The following BCO1 variants were observed in gnomAD, a reference collection of about 807,000 sequenced individuals.
The protein encoded by BCO1 is beta,beta-carotene 15,15'-dioxygenase.
BCO1 carries 54 observed loss-of-function variants against 56.3 expected under a neutral mutation model. The observed-to-expected ratio is 0.96, with a 90% CI of 0.77 to 1.20. BCO1 has a LOEUF of 1.20. Among genes scored for constraint, BCO1 ranks in the 50% most tolerant of loss-of-function variants. The probability of loss-of-function intolerance (pLI) is 0.00; values close to 1 mark genes in which losing one functional copy is unlikely to be tolerated. For missense variants in BCO1, 801 were observed against 690.9 expected, an observed-to-expected ratio of 1.16 and a Z score of -1.79; for synonymous variants, 318 against 266.1, an observed-to-expected ratio of 1.20 and a Z score of -1.90.
intron 5 of BCO1, 127 bp downstream of exon 5, chr16:81,264,914 C>A: frequency 9.4e-7 from 1 of 1,065,114 alleles, no homozygotes; most frequent in Non-Finnish European, 1.4e-6. Context: ...TTGAGGTGGA[C>A]CATGAAGTCA....
At position 81,268,025 on chromosome 16, in the gene BCO1, T is replaced by A; in HGVS notation, c.737T>A (p.Val246Asp). ...YHSFGVTENY[V>D]IFLEQPFRLD... ...AGCTTTGGAGTCACCGAGAACTATG[T>A]CATCTTCCTTGAGCAGCCTTTCAGG... The change falls in exon 6 of 11, where the codon GTC becomes GAC. Residue 246 changes from valine to aspartate, a missense_variant. By Grantham distance (152) the Val-to-Asp change is radical. Coordinates refer to ENST00000258168, the MANE Select transcript of BCO1 (RefSeq NM_017429.3). 1 of 1,613,620 alleles carries A rather than the reference T, an allele frequency of 6.2e-7. No homozygotes were observed. The highest frequency in any genetic ancestry group is 8.5e-7 in the Non-Finnish European group (1 of 1,179,960).
In BCO1 at chr16:81,272,260, C is replaced by T. The variant is rs1567458957; in HGVS notation, c.1101+1844C>T. ...TCCCAAGTAGCTGGGACTACAGACA[C>T]CTGCCACCACGCCTGGCTAATTTTT... On this transcript the variant is annotated intron_variant, in intron 7 of 10. Transcript: ENST00000258168. Among the ~76,000 whole-genome samples, 9 of 151,878 alleles carry T rather than the reference C, an allele frequency of 5.9e-5. No homozygotes were observed. In the South Asian group the frequency reaches 1.9e-3, roughly 32 times the overall value.
intron 4 of BCO1, 156 bp downstream of exon 4, chr16:81,262,439 A>T: frequency 1.3e-6 from 1 of 760,536 alleles, no homozygotes; most frequent in Non-Finnish European, 2.3e-6. Flanking sequence ...ACTTACTGCT[A>T]GATGCTAGGC....
Position 81,262,122 on chromosome 16 carries a change from G to C in BCO1, c.324-14G>C, listed in dbSNP as rs1388438457. The C allele has an allele frequency of 1.2e-6, 2 of 1,613,096 alleles. No homozygotes were observed. The highest frequency in any genetic ancestry group is 2.2e-5 in the East Asian group (1 of 44,864). On this transcript the variant is annotated splice_polypyrimidine_tract_variant and intron_variant, in intron 3 of 10. Transcript: ENST00000258168. ...ACATAGCCACTGACTCTGTTGATTT[G>C]CTTTTCTCCCCAGAGCTTTCTCCTA...
At chr16:81,276,403 C>G (rs575950243) in intron 7 of BCO1, among the ~76,000 whole-genome samples, 1 of 152,190 alleles carries the variant, frequency 6.6e-6, no homozygotes, top group Non-Finnish European at 1.5e-5. Context: ...AAGGGCCCAG[C>G]CTTGCTTCCA....
Position 81,290,490 on chromosome 16 carries a change from A to G in BCO1, c.1557A>G (p.Thr519=), listed in dbSNP as rs1268206122. ...MHMDLHGLFI[T]DMDWDTKKQA... ...TGGATCTCCATGGATTATTCATTAC[A>G]GACATGGACTGGGACACAAAAAAGC... The change falls in exon 11 of 11, where the codon ACA becomes ACG. Residue 519 remains threonine, a synonymous_variant. Coordinates refer to ENST00000258168, the MANE Select transcript of BCO1 (RefSeq NM_017429.3). 6.2e-7 allele frequency: 1 copy of G among 1,614,072 alleles called. No individual in the cohort carries two copies. The highest frequency in any genetic ancestry group is 1.3e-5 in the African/African-American group (1 of 74,924).
chr16:81,258,937 AAGAG>A (rs149099784), intron 2 of BCO1, among the ~76,000 whole-genome samples: 1 of 150,610 alleles, frequency 6.6e-6, no homozygotes, highest in Non-Finnish European at 1.5e-5. Flanking sequence ...CACATGGTGA[AAGAG>A]AGAGAGAGAG....
At chr16:81,287,869 G>C (rs565870957) in intron 10 of BCO1, among the ~76,000 whole-genome samples, 429 of 152,250 alleles carry the variant, frequency 2.8e-3, no homozygotes, top group Non-Finnish European at 4.4e-3. Flanking sequence ...TGCCAGCCAG[G>C]AAGCTCCCCT....
In BCO1 at chr16:81,284,808, T is replaced by C. The variant is rs192154372; in HGVS notation, c.1208-732T>C. 2.1e-4 allele frequency among the ~76,000 whole-genome samples: 32 copies of C among 151,248 alleles called. No homozygotes were observed. The East Asian group carries it at 5.4e-3, about 26-fold the overall frequency. On this transcript the variant is annotated intron_variant, in intron 8 of 10. Transcript: ENST00000258168. The stretch of plus-strand genomic sequence containing the variant: ...CACAGCTTCCTATTTCTTTTCTTTT[T>C]GTTTTGTTTTGTTTTCTTTTCTTTT...
intron 1 of BCO1, among the ~76,000 whole-genome samples, chr16:81,239,274 C>G (rs1905008487): frequency 6.6e-6 from 1 of 152,090 alleles, no homozygotes; most frequent in South Asian, 2.1e-4. Context: ...ACCTCGGCCT[C>G]CGAAAGTGCT....
rs1907084967 is a variant in BCO1 at position 81,270,025 on chromosome 16, A to C, written c.844-134A>C. 7 of 1,125,516 alleles carry C rather than the reference A, an allele frequency of 6.2e-6. No homozygotes were observed. The Admixed American group carries it at 1.2e-4, about 19-fold the overall frequency. 69.7% of individuals were successfully genotyped at this position (1,125,516 alleles called of 1,614,324 possible). On this transcript the variant is annotated intron_variant, in intron 6 of 10. Coordinates refer to ENST00000258168, the MANE Select transcript of BCO1 (RefSeq NM_017429.3). ...TTTTGCCTGTCTGGTGTTGTGGAGC[A>C]CACACAGAATGCAGAATGGGGACAT...
chr16:81,288,820 G>A (rs763517957), intron 10 of BCO1, among the ~76,000 whole-genome samples: 5 of 152,198 alleles, frequency 3.3e-5, no homozygotes, highest in Non-Finnish European at 5.9e-5. Context: ...CCTGCAAGGA[G>A]GGCAGGCTGC....
At chr16:81,256,117 A>AT (rs57609331) in intron 2 of BCO1, among the ~76,000 whole-genome samples, 16,836 of 144,648 alleles carry the variant, frequency 0.12, 1,064 homozygotes, top group Middle Eastern at 0.24. Flanking sequence ...CGCATGGCCG[A>AT]TTTTTTTTTT....
rs1255264213 is a variant in BCO1 at position 81,290,460 on chromosome 16, G to C, written c.1527G>C (p.Met509Ile). The part of the protein sequence containing the change: ...ELARASVDVD[M>I]HMDLHGLFIT... ...CCCGTGCCTCTGTTGATGTCGATAT[G>C]CACATGGATCTCCATGGATTATTCA... The change falls in exon 11 of 11, where the codon ATG (methionine) becomes ATC (isoleucine). Residue 509 changes from methionine to isoleucine, a missense_variant. Coordinates refer to ENST00000258168, the MANE Select transcript of BCO1 (RefSeq NM_017429.3). The C allele has an allele frequency of 1.2e-6, 2 of 1,614,172 alleles. No homozygotes were observed. The highest frequency in any genetic ancestry group is 8.5e-7 in the Non-Finnish European group (1 of 1,180,028).
At chr16:81,257,931 T>G (rs562136749) in intron 2 of BCO1, among the ~76,000 whole-genome samples, 1 of 149,168 alleles carries the variant, frequency 6.7e-6, no homozygotes, top group East Asian at 2.0e-4. Flanking sequence ...AGATGAAGGA[T>G]CTTGAGATGG....
At chr16:81,240,050 G>T (rs952430064) in intron 1 of BCO1, among the ~76,000 whole-genome samples, 5 of 151,836 alleles carry the variant, frequency 3.3e-5, no homozygotes, top group African/African-American at 9.7e-5. Flanking sequence ...CAATTGCCTT[G>T]GGAGTCTTTT....
chr16:81,288,316 G>A (rs1310020632), intron 10 of BCO1, among the ~76,000 whole-genome samples: 1 of 152,190 alleles, frequency 6.6e-6, no homozygotes, highest in Non-Finnish European at 1.5e-5. Flanking sequence ...AGGCTGGAGT[G>A]TAGTGGCATG....
At chr16:81,267,254 C>T (rs558045941) in intron 5 of BCO1, among the ~76,000 whole-genome samples, 2 of 152,104 alleles carry the variant, frequency 1.3e-5, no homozygotes, top group Admixed American at 6.5e-5. Context: ...TTCCACTAAG[C>T]CTCAGTTTCC....
chr16:81,289,897 CT>C (rs1183034441), intron 10 of BCO1, among the ~76,000 whole-genome samples: 1 of 152,194 alleles, frequency 6.6e-6, no homozygotes, highest in East Asian at 1.9e-4. Flanking sequence ...CCGTGTTTCA[CT>C]CCGTCACCCA....
Sources: gnomAD v4.1 joint callset for allele counts (sites outside exome capture counted in the v4.1 genomes callset) on GRCh38, gnomAD v4.1.1 for gene constraint, MANE v1.5 for transcripts, NCBI Gene and HGNC (gene_info 2026-07-23, HGNC 2026-07-21) for gene names.